LRRC51: variants seen among roughly 807,000 people sequenced by gnomAD.
LRRC51 encodes leucine rich repeat containing 51, also known as leucine-rich repeat-containing protein 51.
A neutral mutation model predicts 17.8 loss-of-function variants in LRRC51; 8 were observed. The ratio of observed to expected loss-of-function variants is 0.45; its 90% CI spans 0.26 to 0.81. The LOEUF (loss-of-function observed/expected upper bound fraction) is 0.81. Ranked by LOEUF, LRRC51 falls within the 30% of genes least tolerant of loss-of-function variation. The pLI is 0.17. For missense variants in LRRC51, 233 were observed against 239.3 expected (o/e 0.97, Z 0.17); for synonymous variants, 92 against 96.0 (o/e 0.96, Z 0.24).
At position 72,096,696 on chromosome 11, in the gene LRRC51, G is replaced by T. The variant is rs980820050; in HGVS notation, c.*1176G>T. 1 of 1,548,530 alleles carries T rather than the reference G, an allele frequency of 6.5e-7. No homozygotes were observed. The highest frequency in any genetic ancestry group is 1.2e-5 in the South Asian group (1 of 83,410). The stretch of plus-strand genomic sequence containing the variant: ...GCTTAGAGATTTGGGGGTTAAAGTA[G>T]ATCAGTAATTTCCAAACTCTTCACA... On this transcript the variant is annotated 3_prime_UTR_variant, in exon 6 of 6. Coordinates refer to ENST00000289488, the MANE Select transcript of LRRC51 (RefSeq NM_145309.6).
intron 3 of LRRC51, among the ~76,000 whole-genome samples, chr11:72,092,542 T>G (rs1379366412): frequency 1.3e-5 from 2 of 152,250 alleles, no homozygotes; most frequent in East Asian, 3.8e-4. Flanking sequence ...ATAAAAGATT[T>G]GAATCATTTG....
intron 3 of LRRC51, among the ~76,000 whole-genome samples, chr11:72,089,788 A>G (rs1591147641): frequency 6.6e-6 from 1 of 152,140 alleles, no homozygotes; most frequent in Non-Finnish European, 1.5e-5. Context: ...CACTGTCCAC[A>G]CTCGCTCCCA....
intron 1 of LRRC51, chr11:72,086,253 C>T: frequency 1.7e-6 from 1 of 594,594 alleles, no homozygotes; most frequent in East Asian, 2.8e-5. Flanking sequence ...TTACTTGGAA[C>T]TGGATGCAGG....
Position 72,095,680 on chromosome 11 carries a change from T to G in LRRC51, c.*160T>G. On this transcript the variant is annotated 3_prime_UTR_variant, in exon 6 of 6. Transcript: ENST00000289488. ...GTAGCTCTAGCCTTTTCTTTTCTTT[T>G]TTTTTTTTTTGAGACGGAGTCTCAC... 5 of 1,467,792 alleles carry G rather than the reference T, an allele frequency of 3.4e-6. No individual in the cohort carries two copies. The highest frequency in any genetic ancestry group is 4.5e-6 in the Non-Finnish European group (5 of 1,110,618). 90.9% of individuals were successfully genotyped at this position (1,467,792 alleles called of 1,614,324 possible). A position where few individuals can be genotyped will look rare whatever the true frequency, so the allele number is the denominator to read the frequency against.
chr11:72,081,801 T>G (rs1324034778), intron 1 of LRRC51, among the ~76,000 whole-genome samples: 1 of 152,194 alleles, frequency 6.6e-6, no homozygotes, highest in Non-Finnish European at 1.5e-5. Flanking sequence ...AGCTTCATTT[T>G]TTTTAGTACT....
At position 72,095,549 on chromosome 11, in the gene LRRC51, G is replaced by A. The variant is rs766185992; in HGVS notation, c.*29G>A. On this transcript the variant is annotated 3_prime_UTR_variant, in exon 6 of 6. Transcript: ENST00000289488. ...TCCCACGACCCTAGTAGTCCTAAAGGCCTAAGCATAGACAGCATGGTTTGA... is the reference window on the plus strand; with the variant it reads ...TCCCACGACCCTAGTAGTCCTAAAGACCTAAGCATAGACAGCATGGTTTGA... 6.2e-7 allele frequency: 1 copy of A among 1,610,112 alleles called. No homozygotes were observed. The highest frequency in any genetic ancestry group is 8.5e-7 in the Non-Finnish European group (1 of 1,177,994).
intron 1 of LRRC51, chr11:72,086,448 G>A: frequency 1.4e-6 from 1 of 702,282 alleles, no homozygotes; most frequent in Non-Finnish European, 2.6e-6. Flanking sequence ...GCTGAACCTG[G>A]GAACCAATTG....
chr11:72,089,361 G>C, intron 3 of LRRC51, 196 bp downstream of exon 3: 3 of 1,485,364 alleles, frequency 2.0e-6, no homozygotes, highest in Non-Finnish European at 2.7e-6. Context: ...ATTTTGCCCC[G>C]ATACAGCCCC....
At chr11:72,086,970 A>G (rs1025073598) in intron 1 of LRRC51, among the ~76,000 whole-genome samples, 1 of 152,134 alleles carries the variant, frequency 6.6e-6, no homozygotes, top group Non-Finnish European at 1.5e-5. Flanking sequence ...AGGTTCCTCT[A>G]TTTTTACAAA....
intron 1 of LRRC51, among the ~76,000 whole-genome samples, chr11:72,085,727 A>G (rs1465768354): frequency 1.3e-5 from 2 of 152,192 alleles, no homozygotes; most frequent in African/African-American, 4.8e-5. Flanking sequence ...TATTGCTTCT[A>G]AGTCTTAGAG....
At chr11:72,082,189 G>C (rs1345676886) in intron 1 of LRRC51, among the ~76,000 whole-genome samples, 1 of 152,222 alleles carries the variant, frequency 6.6e-6, no homozygotes, top group African/African-American at 2.4e-5. Context: ...AAAGGAACTA[G>C]AGAGACTAAG....
intron 2 of LRRC51, chr11:72,088,609 C>T: frequency 1.7e-6 from 1 of 584,624 alleles, no homozygotes; most frequent in Non-Finnish European, 3.0e-6. Flanking sequence ...ATAGAATAGC[C>T]CAGTTGATGT....
chr11:72,095,433 C>T lies in LRRC51; in HGVS notation c.492C>T (p.Val164=). 2 of 1,614,046 alleles carry T rather than the reference C, an allele frequency of 1.2e-6. No homozygotes were observed. The highest frequency in any genetic ancestry group is 2.7e-5 in the African/African-American group (2 of 74,998). ...SRITTFDFSG[V]TKADRTTAEV... ...TCACCACGTTCGACTTCAGTGGGGTCACCAAAGCAGACCGCACCACAGCTG... is the reference window on the plus strand; with the variant it reads ...TCACCACGTTCGACTTCAGTGGGGTTACCAAAGCAGACCGCACCACAGCTG... The change falls in exon 6 of 6, where the codon GTC becomes GTT. Residue 164 remains valine (V), a synonymous_variant. Transcript: ENST00000289488.
intron 3 of LRRC51, among the ~76,000 whole-genome samples, chr11:72,091,750 C>T (rs565560262): frequency 6.6e-6 from 1 of 152,276 alleles, no homozygotes; most frequent in South Asian, 2.1e-4. Context: ...TGCTTATATC[C>T]ATTCACTCTT....
At chr11:72,089,208 G>C in intron 3 of LRRC51, 43 bp downstream of exon 3, 1 of 1,613,870 alleles carries the variant, frequency 6.2e-7, no homozygotes, top group Non-Finnish European at 8.5e-7. Flanking sequence ...AAGGCAGCAG[G>C]CCCAGTGTGG....
chr11:72,093,563 G>A lies in LRRC51; in HGVS notation c.150G>A (p.Leu50=). The A allele has an allele frequency of 2.5e-6, 4 of 1,614,216 alleles. No homozygotes were observed. The highest frequency in any genetic ancestry group is 3.4e-6 in the Non-Finnish European group (4 of 1,180,036). ...AGCGTTCAAAGTCGGGGAAATCACT[G>A]ACCCAGTCCCTGTGGCTGAATAACA... ...PLKRSKSGKS[L]TQSLWLNNNV... is the part of the protein sequence containing the mutation. The change falls in exon 4 of 6, where the codon CTG becomes CTA. Residue 50 remains leucine (L), a synonymous_variant. Coordinates refer to ENST00000289488, the MANE Select transcript of LRRC51 (RefSeq NM_145309.6).
chr11:72,094,480 C>T, intron 4 of LRRC51: 1 of 566,012 alleles, frequency 1.8e-6, no homozygotes, highest in South Asian at 2.2e-5. Context: ...TAAAGTTTGG[C>T]CTTTTCTAGT....
chr11:72,095,038 C>CCTCGG lies in LRRC51; in HGVS notation c.383_387dup (p.Arg130GlyfsTer5), dbSNP rs1434220841. On this transcript the variant is annotated frameshift_variant, in exon 5 of 6. Transcript: ENST00000289488. LOFTEE classifies it high-confidence loss of function. Reference sequence around the variant, plus strand: ...GGAGGTGAATAAGCTGGCTGTCCTTCCTCGGCTCCGTAGCCTGACACTCCA... The same window carrying CCTCGG: ...GGAGGTGAATAAGCTGGCTGTCCTTCCTCGGCTCGGCTCCGTAGCCTGACACTCCA... 3.7e-6 allele frequency: 6 copies of CCTCGG among 1,614,044 alleles called. No individual in the cohort carries two copies. Among genetic ancestry groups the CCTCGG allele is most frequent in the Non-Finnish European group, 4.2e-6 (5 of 1,180,014 alleles).
chr11:72,083,635 C>T (rs577435), intron 1 of LRRC51: 141,130 of 152,256 alleles, frequency 0.93, 65,652 homozygotes, highest in Non-Finnish European at 0.98. Flanking sequence ...CAGATAATTA[C>T]AGTGTTACGA....
Sources: allele counts gnomAD v4.1 joint callset (sites outside exome capture counted in the v4.1 genomes callset), GRCh38; gene constraint gnomAD v4.1.1; transcripts MANE v1.5; gene names NCBI Gene and HGNC (gene_info 2026-07-23, HGNC 2026-07-21).